SPAG16: variants seen among roughly 807,000 people sequenced by gnomAD.
The protein encoded by SPAG16 is sperm associated antigen 16.
A neutral mutation model predicts 80.4 loss-of-function variants in SPAG16; 86 were observed. The observed-to-expected ratio is 1.07, with a 90% confidence interval of 0.90 to 1.28. The LOEUF is 1.28. SPAG16 is among the 50% of genes most tolerant of loss of function. SPAG16 has a pLI of 0.00. For missense variants in SPAG16, 870 were observed against 765.3 expected, an observed-to-expected ratio of 1.14 and a Z score of -1.61; for synonymous variants, 294 against 265.9, an observed-to-expected ratio of 1.11 and a Z score of -1.03.
At chr2:213,905,713 A>C (rs1231565145) in intron 11 of SPAG16, among the ~76,000 whole-genome samples, 3 of 152,202 alleles carry the variant, frequency 2.0e-5, no homozygotes, top group Non-Finnish European at 4.4e-5. Context: ...GATGGTAGTA[A>C]GTACTATGAA....
chr2:213,918,537 G>A (rs1287603405), intron 11 of SPAG16, among the ~76,000 whole-genome samples: 1 of 152,112 alleles, frequency 6.6e-6, no homozygotes, highest in Non-Finnish European at 1.5e-5. Context: ...GGCAGGACTT[G>A]CCTGTGCTGT....
At chr2:213,889,435 A>AT (rs112403890) in intron 11 of SPAG16, among the ~76,000 whole-genome samples, 76 of 149,772 alleles carry the variant, frequency 5.1e-4, no homozygotes, top group East Asian at 3.5e-3. Context: ...AACAAAATAG[A>AT]TTTTTTTTTT....
At chr2:213,332,973 C>T (rs369518651) in intron 5 of SPAG16, among the ~76,000 whole-genome samples, 9 of 152,018 alleles carry the variant, frequency 5.9e-5, no homozygotes, top group African/African-American at 1.9e-4. Flanking sequence ...AAAGGATGCC[C>T]ATTGTCACCA....
At chr2:213,834,955 A>G (rs1036401280) in intron 10 of SPAG16, among the ~76,000 whole-genome samples, 1 of 152,100 alleles carries the variant, frequency 6.6e-6, no homozygotes, top group Admixed American at 6.6e-5. Flanking sequence ...TTTCGGTCCT[A>G]GGTTCTTTTA....
At chr2:213,803,196 A>G (rs1204028091) in intron 10 of SPAG16, among the ~76,000 whole-genome samples, 3 of 152,222 alleles carry the variant, frequency 2.0e-5, no homozygotes, top group Non-Finnish European at 4.4e-5. Flanking sequence ...TCAATTATAG[A>G]CATGAGATAG....
At chr2:214,240,011 C>T (rs1689354347) in intron 15 of SPAG16, 1 of 152,124 alleles carries the variant, frequency 6.6e-6, no homozygotes, top group African/African-American at 2.4e-5. Context: ...AATACCCACG[C>T]CAGATAAGCA....
intron 9 of SPAG16, among the ~76,000 whole-genome samples, chr2:213,390,996 G>A (rs185529492): frequency 7.1e-4 from 108 of 152,160 alleles, no homozygotes; most frequent in African/African-American, 2.4e-3. Flanking sequence ...ATGGCCAGGC[G>A]CGGTGACTCA....
rs145459178 is a variant in SPAG16 at position 213,967,975 on chromosome 2, G to T, written c.1400+37830G>T. 5.5e-3 allele frequency among the ~76,000 whole-genome samples: 842 copies of T among 152,250 alleles called. 9 individuals carry two copies. Among genetic ancestry groups the T allele is most frequent in the Non-Finnish European group, 8.6e-3 (583 of 68,014 alleles). On this transcript the variant is annotated intron_variant, in intron 12 of 15. Coordinates refer to ENST00000331683, the MANE Select transcript of SPAG16 (RefSeq NM_024532.5). The stretch of plus-strand genomic sequence containing the variant: ...GCTAATTTTTGATGTACTTCAATGT[G>T]TAAAGGTAGAATACTTATATAATGT...
At chr2:213,763,444 G>T (rs1208509610) in intron 10 of SPAG16, among the ~76,000 whole-genome samples, 2 of 152,128 alleles carry the variant, frequency 1.3e-5, no homozygotes. Context: ...GAAAAATACT[G>T]CATGATCTCA....
intron 13 of SPAG16, among the ~76,000 whole-genome samples, chr2:214,026,744 A>G (rs1197973712): frequency 6.6e-6 from 1 of 151,594 alleles, no homozygotes; most frequent in Non-Finnish European, 1.5e-5. Context: ...AATTTACTAT[A>G]CAGTAAATAT....
chr2:213,770,341 T>C lies in SPAG16; in HGVS notation c.1071-92144T>C, dbSNP rs540051536. Reference sequence around the variant, plus strand: ...TCATGATAGGTGCATGTTTAACGTTTTAAGAAATTAAGAAGCATTGTTTTC... The same window carrying C: ...TCATGATAGGTGCATGTTTAACGTTCTAAGAAATTAAGAAGCATTGTTTTC... On this transcript the variant is annotated intron_variant, in intron 10 of 15. Coordinates refer to ENST00000331683, the MANE Select transcript of SPAG16 (RefSeq NM_024532.5). 1.6e-4 allele frequency among the ~76,000 whole-genome samples: 25 copies of C among 152,262 alleles called. No individual in the cohort carries two copies. In the South Asian group the frequency reaches 5.2e-3, roughly 32 times the overall value.
At chr2:213,398,110 A>G (rs2068132571) in intron 9 of SPAG16, among the ~76,000 whole-genome samples, 1 of 151,610 alleles carries the variant, frequency 6.6e-6, no homozygotes, top group Non-Finnish European at 1.5e-5. Flanking sequence ...TTTTGGCTCT[A>G]TCTTTGAAAA....
chr2:213,300,401 A>G (rs1201919106), intron 3 of SPAG16, among the ~76,000 whole-genome samples: 1 of 152,226 alleles, frequency 6.6e-6, no homozygotes, highest in Non-Finnish European at 1.5e-5. Flanking sequence ...ATATGTATCA[A>G]TAGTTCTCAA....
At chr2:214,279,880 A>C (rs1692779996) in intron 15 of SPAG16, among the ~76,000 whole-genome samples, 1 of 152,206 alleles carries the variant, frequency 6.6e-6, no homozygotes, top group African/African-American at 2.4e-5. Context: ...TTTGAAAATC[A>C]AAAAAACCCA....
intron 15 of SPAG16, among the ~76,000 whole-genome samples, chr2:214,287,590 A>AT (rs931417454): frequency 4.6e-5 from 7 of 152,040 alleles, no homozygotes; most frequent in Admixed American, 3.9e-4. Context: ...AGGCAGTATT[A>AT]TTTTTTTGAG....
intron 10 of SPAG16, among the ~76,000 whole-genome samples, chr2:213,515,645 A>T (rs997693050): frequency 6.6e-6 from 1 of 152,114 alleles, no homozygotes; most frequent in African/African-American, 2.4e-5. Context: ...GAAAAAGGAG[A>T]TGGGGGAGTT....
At chr2:213,705,420 G>T (rs941882486) in intron 10 of SPAG16, among the ~76,000 whole-genome samples, 1 of 152,162 alleles carries the variant, frequency 6.6e-6, no homozygotes, top group Non-Finnish European at 1.5e-5. Context: ...GGATGAGATG[G>T]TTGCTAAAGT....
intron 5 of SPAG16, among the ~76,000 whole-genome samples, chr2:213,325,100 A>C (rs1251313583): frequency 1.3e-5 from 2 of 152,038 alleles, no homozygotes; most frequent in Non-Finnish European, 2.9e-5. Flanking sequence ...TTATAATTGA[A>C]TTGTAAGAGT....
At chr2:214,037,477 TGAG>T (rs2048759089) in intron 13 of SPAG16, among the ~76,000 whole-genome samples, 1 of 152,104 alleles carries the variant, frequency 6.6e-6, no homozygotes, top group Non-Finnish European at 1.5e-5. Context: ...AATGAATGTT[TGAG>T]AAGAAGATGT....
Sources: gnomAD v4.1 joint callset for allele counts (sites outside exome capture counted in the v4.1 genomes callset) on GRCh38, gnomAD v4.1.1 for gene constraint, MANE v1.5 for transcripts, NCBI Gene and HGNC (gene_info 2026-07-23, HGNC 2026-07-21) for gene names.